The following PAXBP1 variants were observed in gnomAD, a reference collection of about 807,000 sequenced individuals.
The protein encoded by PAXBP1 is PAX3 and PAX7 binding protein 1.
Under a neutral mutation model 119.9 loss-of-function variants are expected in PAXBP1, and 44 were observed. That is an observed-to-expected ratio of 0.37 (90% CI 0.29 to 0.47). PAXBP1 has a LOEUF of 0.47. PAXBP1 is among the 20% of genes least tolerant of loss of function. PAXBP1 has a pLI of 0.99. For synonymous variants in PAXBP1, 393 were observed against 406.6 expected, an observed-to-expected ratio of 0.97 and a Z score of 0.40; for missense variants, 898 against 1,134.1, an observed-to-expected ratio of 0.79 and a Z score of 2.99.
chr21:32,758,172 TA>T (rs2044073906), intron 7 of PAXBP1, among the ~76,000 whole-genome samples: 1 of 152,208 alleles, frequency 6.6e-6, no homozygotes, highest in African/African-American at 2.4e-5. Flanking sequence ...GGTATTCAAG[TA>T]ATCAACAAAG....
rs777989466 is a variant in PAXBP1, at chr21:32,748,499, C to T, written c.1923G>A (p.Glu641=). Residue 641 remains glutamate (E), a splice_region_variant and synonymous_variant, in exon 11 of 18, where the codon GAG becomes GAA. Coordinates refer to ENST00000331923, the MANE Select transcript of PAXBP1 (RefSeq NM_016631.4). ...TCTAATAGTGACAGAAGCCACTCAC[C>T]TCAAGAGGAGTCCAAGTGAGGAGCT... ...RLQLLTWTPL[E]AKCRDFENML... is the part of the protein sequence containing the mutation. 6.2e-7 allele frequency: 1 copy of T among 1,611,966 alleles called. No homozygotes were observed. Among genetic ancestry groups the T allele is most frequent in the Admixed American group, 1.7e-5 (1 of 59,736 alleles).
chr21:32,764,124 C>T (rs2044198915), intron 3 of PAXBP1, among the ~76,000 whole-genome samples: 4 of 152,006 alleles, frequency 2.6e-5, no homozygotes, highest in African/African-American at 9.7e-5. Flanking sequence ...TACTTGAAGA[C>T]TTATTTGCAA....
chr21:32,764,520 T>G lies in PAXBP1; in HGVS notation c.477A>C (p.Glu159Asp). The change falls in exon 3 of 18, where the codon GAA (glutamate) becomes GAC (aspartate). Residue 159 changes from glutamate to aspartate, a missense_variant. Transcript: ENST00000331923. ...KTELNSSAESEQPLDKTGHVK... is the reference protein window; with the variant it reads ...KTELNSSAESDQPLDKTGHVK... ...CATGTCCTGTTTTGTCCAAAGGTTGTTCACCTAAATTTTTGAAGAATTAAA... is the reference window on the plus strand; with the variant it reads ...CATGTCCTGTTTTGTCCAAAGGTTGGTCACCTAAATTTTTGAAGAATTAAA... 6.3e-7 allele frequency: 1 copy of G among 1,579,002 alleles called. No individual in the cohort carries two copies. The highest frequency in any genetic ancestry group is 8.6e-7 in the Non-Finnish European group (1 of 1,165,768).
intron 7 of PAXBP1, among the ~76,000 whole-genome samples, chr21:32,756,956 C>G (rs1445603672): frequency 1.3e-5 from 2 of 152,116 alleles, no homozygotes; most frequent in African/African-American, 2.4e-5. Context: ...TGATTTATCT[C>G]AAGAGTCTGC....
At chr21:32,745,075 T>C (rs188878768) in intron 12 of PAXBP1, among the ~76,000 whole-genome samples, 162 bp from the exon 13 acceptor site, 27 of 152,306 alleles carry the variant, frequency 1.8e-4, no homozygotes, top group African/African-American at 6.0e-4. Flanking sequence ...TTTGGAGGGA[T>C]AGGGATGTGG....
intron 15 of PAXBP1, 105 bp from the exon 16 acceptor site, chr21:32,738,424 G>T: frequency 3.5e-6 from 3 of 864,748 alleles, no homozygotes; most frequent in South Asian, 1.7e-5. Context: ...ACCATGTCTT[G>T]CCAAAGTACT....
chr21:32,759,878 A>G lies in PAXBP1; in HGVS notation c.1092T>C (p.Asp364=). 2 of 1,613,794 alleles carry G rather than the reference A, an allele frequency of 1.2e-6. No homozygotes were observed. Among genetic ancestry groups the G allele is most frequent in the Non-Finnish European group, 1.7e-6 (2 of 1,179,650 alleles). Residue 364 remains aspartate (D), a synonymous_variant, in exon 6 of 18, where the codon GAT becomes GAC. Coordinates refer to ENST00000331923, the MANE Select transcript of PAXBP1 (RefSeq NM_016631.4). ...TATTATCTGTTTTTTGAGATTTGGC[A>G]TCTGATGATCCATAGGCCGTATAAC... ...PYSYTAYGSS[D]AKSQKTDNTV... is the part of the protein sequence containing the mutation.
At chr21:32,769,499 T>C (rs116066402) in intron 2 of PAXBP1, among the ~76,000 whole-genome samples, 1,591 of 152,252 alleles carry the variant, frequency 0.01, 31 homozygotes, top group African/African-American at 0.036. Context: ...CAAACAGAAA[T>C]AAACCTGTGT....
At chr21:32,767,567 C>T (rs2044261763) in intron 2 of PAXBP1, among the ~76,000 whole-genome samples, 1 of 152,150 alleles carries the variant, frequency 6.6e-6, no homozygotes, top group African/African-American at 2.4e-5. Flanking sequence ...GTGGAAGGGA[C>T]CCAGGAGGAG....
intron 15 of PAXBP1, among the ~76,000 whole-genome samples, chr21:32,739,147 T>C (rs1269037515): frequency 1.3e-5 from 2 of 152,248 alleles, no homozygotes; most frequent in Admixed American, 1.3e-4. Flanking sequence ...TTTGTGTGGC[T>C]CTTTACTCAG....
chr21:32,751,253 C>T, intron 8 of PAXBP1, 35 bp from the exon 9 acceptor site: 1 of 1,595,384 alleles, frequency 6.3e-7, no homozygotes, highest in South Asian at 1.1e-5. Context: ...TAAAAGCCAT[C>T]TTTCAACAAT....
In PAXBP1 at chr21:32,765,976, C is replaced by G. The variant is rs374420834; in HGVS notation, c.473-1452G>C. ...ATGGTAAGACCCTGTCTCTACTAAA[C>G]ATACAAAAATTAGCTGGGCTTGGTG... On this transcript the variant is annotated intron_variant, in intron 2 of 17. Coordinates refer to ENST00000331923, the MANE Select transcript of PAXBP1 (RefSeq NM_016631.4). Among the ~76,000 whole-genome samples the G allele has an allele frequency of 6.6e-5, 10 of 152,138 alleles. No individual in the cohort carries two copies. In the South Asian group the frequency reaches 2.1e-3, roughly 32 times the overall value.
chr21:32,759,734 A>G (rs1289203318), intron 6 of PAXBP1, 43 bp downstream of exon 6: 4 of 1,523,826 alleles, frequency 2.6e-6, no homozygotes, highest in African/African-American at 1.4e-5. Context: ...CTGAGGGAAC[A>G]GAAAGCTAGC....
At chr21:32,768,438 G>A (rs1291909917) in intron 2 of PAXBP1, among the ~76,000 whole-genome samples, 1 of 152,208 alleles carries the variant, frequency 6.6e-6, no homozygotes. Flanking sequence ...ATGGCAAAGT[G>A]TATATTAAGC....
At chr21:32,768,254 C>T (rs149692972) in intron 2 of PAXBP1, among the ~76,000 whole-genome samples, 2 of 152,278 alleles carry the variant, frequency 1.3e-5, no homozygotes, top group East Asian at 1.9e-4. Context: ...ACATAAAGGC[C>T]CTTAGTAGAT....
chr21:32,760,909 G>A (rs2044132519), intron 5 of PAXBP1, 150 bp downstream of exon 5: 4 of 611,692 alleles, frequency 6.5e-6, no homozygotes, highest in Non-Finnish European at 1.1e-5. Flanking sequence ...GTGCGTGTGT[G>A]TGTGTGTGTG....
chr21:32,738,113 C>A (rs2043720514), intron 16 of PAXBP1, 60 bp downstream of exon 16: 10 of 1,452,300 alleles, frequency 6.9e-6, no homozygotes, highest in African/African-American at 1.5e-5. Flanking sequence ...TTCAAACAAA[C>A]AAAAACTTAA....
At chr21:32,769,361 G>A (rs1371659654) in intron 2 of PAXBP1, among the ~76,000 whole-genome samples, 1 of 152,004 alleles carries the variant, frequency 6.6e-6, no homozygotes, top group Non-Finnish European at 1.5e-5. Context: ...TGCTGAATGG[G>A]AGTAATACTA....
intron 10 of PAXBP1, among the ~76,000 whole-genome samples, chr21:32,749,469 C>G (rs1286880735): frequency 1.3e-5 from 2 of 152,062 alleles, no homozygotes; most frequent in African/African-American, 4.8e-5. Flanking sequence ...GCTGGGATTA[C>G]AGGTGTGAGC....
Sources: allele counts gnomAD v4.1 joint callset (sites outside exome capture counted in the v4.1 genomes callset), GRCh38; gene constraint gnomAD v4.1.1; transcripts MANE v1.5; gene names NCBI Gene and HGNC (gene_info 2026-07-23, HGNC 2026-07-21).